The following OR3A2 variants were observed in gnomAD, a reference collection of about 807,000 sequenced individuals.
OR3A2 encodes olfactory receptor 3A2.
For missense variants in OR3A2, 318 were observed against 392.8 expected, an observed-to-expected ratio of 0.81 and a Z score of 1.61; for synonymous variants, 126 against 159.3, an observed-to-expected ratio of 0.79 and a Z score of 1.57.
At chr17:3,308,621 G>A (rs1462872396) in intron 3 of OR3A2, among the ~76,000 whole-genome samples, 1 of 152,176 alleles carries the variant, frequency 6.6e-6, no homozygotes, top group East Asian at 1.9e-4. Context: ...TTAGTCCAAA[G>A]CAGATTGAGA....
At chr17:3,295,842 AG>A (rs2048914207) in intron 3 of OR3A2, among the ~76,000 whole-genome samples, 1 of 152,150 alleles carries the variant, frequency 6.6e-6, no homozygotes, top group South Asian at 2.1e-4. Flanking sequence ...GCATTTTATA[AG>A]GGGTGCAAGA....
At position 3,343,140 on chromosome 17, in the gene OR3A2, C is replaced by T. The variant is rs543653442; in HGVS notation, c.-178-7014G>A. Among the ~76,000 whole-genome samples, 4 of 152,260 alleles carry T rather than the reference C, an allele frequency of 2.6e-5. No individual in the cohort carries two copies. In the East Asian group the frequency reaches 7.7e-4, roughly 29 times the overall value. ...GTGCAGTATCTAGGTTGCAGTGTCC[C>T]GATTTTCCCGGTACAGTCTGTCATG... On this transcript the variant is annotated intron_variant, in intron 2 of 4. Coordinates refer to the OR3A2 transcript ENST00000573491.
intron 1 of OR3A2, among the ~76,000 whole-genome samples, chr17:3,385,720 T>C (rs2049771851): frequency 6.6e-6 from 1 of 152,176 alleles, no homozygotes; most frequent in Admixed American, 6.5e-5. Flanking sequence ...TAGAACACTC[T>C]TCTGAGATTC....
intron 2 of OR3A2, among the ~76,000 whole-genome samples, chr17:3,356,384 G>T (rs936111672): frequency 2.0e-5 from 3 of 151,388 alleles, no homozygotes; most frequent in African/African-American, 7.3e-5. Flanking sequence ...TCAGAGGGAA[G>T]ACTTCCATTT....
chr17:3,294,179 T>TA (rs370174016), intron 3 of OR3A2, among the ~76,000 whole-genome samples: 2,261 of 137,826 alleles, frequency 0.016, 60 homozygotes, highest in African/African-American at 0.055. Context: ...AAAAATAAAA[T>TA]AAAAAAAAAA....
At chr17:3,343,822 A>G (rs1567561992) in intron 2 of OR3A2, among the ~76,000 whole-genome samples, 2 of 152,112 alleles carry the variant, frequency 1.3e-5, no homozygotes. Context: ...GACGTAGCCC[A>G]CATGCTTTGG....
chr17:3,374,639 T>C (rs1269816685), intron 2 of OR3A2, among the ~76,000 whole-genome samples: 1 of 152,244 alleles, frequency 6.6e-6, no homozygotes, highest in Non-Finnish European at 1.5e-5. Flanking sequence ...GAAATTGTGA[T>C]TATCTTTTCT....
chr17:3,314,220 T>C (rs7222547), intron 3 of OR3A2, among the ~76,000 whole-genome samples: 25,659 of 152,110 alleles, frequency 0.17, 3,127 homozygotes, highest in African/African-American at 0.34. Flanking sequence ...CATAACACTA[T>C]AGGTTGGGAA....
At chr17:3,290,308 C>T (rs1339702973) in intron 3 of OR3A2, among the ~76,000 whole-genome samples, 2 of 152,188 alleles carry the variant, frequency 1.3e-5, no homozygotes, top group Admixed American at 1.3e-4. Context: ...CTCAAGGCAT[C>T]TTATCCAATT....
chr17:3,302,865 A>C (rs1248797324), intron 3 of OR3A2, among the ~76,000 whole-genome samples: 1 of 152,204 alleles, frequency 6.6e-6, no homozygotes, highest in Non-Finnish European at 1.5e-5. Flanking sequence ...GCCAGTACTC[A>C]GTTCGGGCTA....
intron 2 of OR3A2, among the ~76,000 whole-genome samples, chr17:3,345,264 G>A (rs935053963): frequency 5.3e-5 from 8 of 152,128 alleles, no homozygotes; most frequent in Admixed American, 3.3e-4. Context: ...ACTAATAGAG[G>A]TCAACCAAGT....
At chr17:3,280,789 A>C (rs2048772417) in intron 1 of OR3A2, among the ~76,000 whole-genome samples, 1 of 152,212 alleles carries the variant, frequency 6.6e-6, no homozygotes, top group Non-Finnish European at 1.5e-5. Context: ...GAGGTTCCAG[A>C]AATCAGAAAT....
intron 3 of OR3A2, among the ~76,000 whole-genome samples, chr17:3,294,230 T>G (rs1245516952): frequency 1.4e-5 from 2 of 138,106 alleles, no homozygotes; most frequent in African/African-American, 2.6e-5. Context: ...GAAAACAGAG[T>G]AAAAATATAA....
intron 3 of OR3A2, among the ~76,000 whole-genome samples, chr17:3,324,603 T>C (rs575150782): frequency 2.9e-4 from 44 of 152,258 alleles, no homozygotes; most frequent in African/African-American, 9.2e-4. Flanking sequence ...TGCAGGTCTG[T>C]TGGAGTTTGC....
chr17:3,344,108 A>AG (rs1597350763), intron 2 of OR3A2, among the ~76,000 whole-genome samples: 2 of 152,162 alleles, frequency 1.3e-5, no homozygotes, highest in Admixed American at 1.3e-4. Context: ...GTGCATATGC[A>AG]GTGGGATATT....
At chr17:3,355,712 G>A (rs2049461360) in intron 2 of OR3A2, among the ~76,000 whole-genome samples, 1 of 151,288 alleles carries the variant, frequency 6.6e-6, no homozygotes, top group Admixed American at 6.6e-5. Flanking sequence ...CATATTTATA[G>A]GTGAAGTGTG....
chr17:3,370,624 G>A (rs958384636), intron 2 of OR3A2, among the ~76,000 whole-genome samples: 5 of 121,976 alleles, frequency 4.1e-5, no homozygotes, highest in Admixed American at 9.3e-5. Context: ...TTGTCTATTT[G>A]TTCTTTCGGA....
intron 2 of OR3A2, among the ~76,000 whole-genome samples, chr17:3,378,118 G>A (rs2318027): frequency 0.14 from 20,944 of 152,184 alleles, 1,772 homozygotes; most frequent in African/African-American, 0.24. Context: ...TGGCTTGAAG[G>A]TGGGGTTTCA....
At chr17:3,337,869 G>A (rs2049284948) in intron 2 of OR3A2, among the ~76,000 whole-genome samples, 3 of 152,140 alleles carry the variant, frequency 2.0e-5, no homozygotes, top group Non-Finnish European at 4.4e-5. Flanking sequence ...CACAATGGTT[G>A]AACTAGTTTA....
Sources: gnomAD v4.1 joint callset for allele counts (sites outside exome capture counted in the v4.1 genomes callset) on GRCh38, gnomAD v4.1.1 for gene constraint, MANE v1.5 for transcripts, NCBI Gene and HGNC (gene_info 2026-07-23, HGNC 2026-07-21) for gene names.